Variants in DCLK2 observed in about 807,000 individuals in gnomAD.
DCLK2 encodes doublecortin like kinase 2.
In DCLK2, 31 loss-of-function variants were observed where a neutral mutation model predicts 78.4. That is an observed-to-expected ratio of 0.40 (90% CI 0.30 to 0.53). DCLK2 has a LOEUF of 0.53. Ranked by LOEUF, DCLK2 falls within the 20% of genes least tolerant of loss-of-function variation. DCLK2 has a pLI of 0.61. For missense variants in DCLK2, 872 were observed against 973.7 expected (o/e 0.90, Z 1.39); for synonymous variants, 407 against 374.9 (o/e 1.09, Z -0.99).
chr4:150,244,742 G>A (rs1233251551), intron 12 of DCLK2, among the ~76,000 whole-genome samples: 1 of 152,148 alleles, frequency 6.6e-6, no homozygotes, highest in Admixed American at 6.5e-5. Flanking sequence ...TTTTTCTAGT[G>A]CGGGGCAGGC....
At chr4:150,087,987 C>T (rs1729764651) in intron 1 of DCLK2, among the ~76,000 whole-genome samples, 1 of 151,972 alleles carries the variant, frequency 6.6e-6, no homozygotes, top group African/African-American at 2.4e-5. Context: ...AGGAGGGCGG[C>T]AGAAGATCAG....
intron 12 of DCLK2, among the ~76,000 whole-genome samples, chr4:150,242,443 A>G (rs1050828919): frequency 1.4e-4 from 21 of 152,200 alleles, no homozygotes; most frequent in African/African-American, 5.1e-4. Flanking sequence ...ATTACTGTAC[A>G]TTTCAGTTAG....
intron 2 of DCLK2, among the ~76,000 whole-genome samples, chr4:150,160,671 TC>T (rs1347858683): frequency 6.6e-6 from 1 of 152,202 alleles, no homozygotes; most frequent in African/African-American, 2.4e-5. Context: ...CCGCTAAGAC[TC>T]CAAAGTTGAG....
At chr4:150,225,702 T>G (rs538082591) in intron 8 of DCLK2, among the ~76,000 whole-genome samples, 31 of 152,362 alleles carry the variant, frequency 2.0e-4, no homozygotes, top group Admixed American at 9.1e-4. Context: ...TGAAAATATT[T>G]GGATATATTA....
intron 12 of DCLK2, among the ~76,000 whole-genome samples, chr4:150,246,349 C>G (rs1443710578): frequency 1.3e-5 from 2 of 152,150 alleles, no homozygotes; most frequent in African/African-American, 2.4e-5. Flanking sequence ...ACCCAGCCAA[C>G]TCTGCTCTTT....
intron 2 of DCLK2, among the ~76,000 whole-genome samples, chr4:150,158,631 T>A (rs1364303641): frequency 6.6e-6 from 1 of 152,228 alleles, no homozygotes; most frequent in African/African-American, 2.4e-5. Flanking sequence ...CTTCAATATG[T>A]AAACTAAAAT....
chr4:150,133,221 G>A lies in DCLK2; in HGVS notation c.756+30409G>A, dbSNP rs1021047432. 5.3e-5 allele frequency among the ~76,000 whole-genome samples: 8 copies of A among 152,260 alleles called. 1 individual carries two copies. The highest frequency in any genetic ancestry group is 6.8e-3 in the Middle Eastern group (2 of 294). ...AATGTGCCATGACCATGAAAAGACCGTGAAAAGGACACGTGTTTACCATAT... is the reference window on the plus strand; with the variant it reads ...AATGTGCCATGACCATGAAAAGACCATGAAAAGGACACGTGTTTACCATAT... On this transcript the variant is annotated intron_variant, in intron 2 of 15. Transcript: ENST00000296550.
chr4:150,180,865 A>G (rs573506829), intron 2 of DCLK2, among the ~76,000 whole-genome samples: 1 of 152,314 alleles, frequency 6.6e-6, no homozygotes. Context: ...TTTCTCTGTA[A>G]GAGCTGGCCA....
chr4:150,079,538 G>C, intron 1 of DCLK2, 90 bp downstream of exon 1: 2 of 1,297,572 alleles, frequency 1.5e-6, no homozygotes, highest in Non-Finnish European at 2.1e-6. Flanking sequence ...CCCGCGGGGT[G>C]CTTTCCAAGC....
chr4:150,253,967 G>A (rs997351735), intron 15 of DCLK2: 1 of 946,502 alleles, frequency 1.1e-6, no homozygotes, highest in Non-Finnish European at 1.3e-6. Flanking sequence ...TTTGGGATAA[G>A]AGAAGATAAT....
intron 2 of DCLK2, among the ~76,000 whole-genome samples, chr4:150,149,667 T>C (rs1327785092): frequency 6.6e-6 from 1 of 152,220 alleles, no homozygotes; most frequent in Admixed American, 6.5e-5. Context: ...AGACGTGTTA[T>C]TTCACACATA....
rs150123519 is a variant in DCLK2 at position 150,197,726 on chromosome 4, G to A, written c.860-276G>A. Reference sequence around the variant, plus strand: ...GCAGAATCGCTTGAACCTGGGAGGCGGAGGTTGCAGTGAGCCCAGATCGCG... The same window carrying A: ...GCAGAATCGCTTGAACCTGGGAGGCAGAGGTTGCAGTGAGCCCAGATCGCG... On this transcript the variant is annotated intron_variant, in intron 3 of 15. Coordinates refer to ENST00000296550, the MANE Select transcript of DCLK2 (RefSeq NM_001040260.4). Among the ~76,000 whole-genome samples, 137 of 151,900 alleles carry A rather than the reference G, an allele frequency of 9.0e-4. 3 individuals are homozygous for A. The East Asian group carries it at 0.024, about 27-fold the overall frequency.
Position 150,221,684 on chromosome 4 carries a change from T to C in DCLK2, c.1140T>C (p.Asn380=). The C allele has an allele frequency of 6.3e-7, 1 of 1,594,342 alleles. No homozygotes were observed. Among genetic ancestry groups the C allele is most frequent in the Non-Finnish European group, 8.5e-7 (1 of 1,173,078 alleles). ...CATTTATCCTTTTTGCAGGTGTGAA[T>C]GGAAACAGATGCTCTGAATCATCAA... is the stretch of plus-strand genomic sequence containing the variant. ...LDRCISPEGV[N]GNRCSESSTL... is the part of the protein sequence containing the mutation. The change falls in exon 7 of 16, where the codon AAT becomes AAC. Residue 380 remains asparagine (N), a synonymous_variant. Transcript: ENST00000296550.
chr4:150,239,593 C>T lies in DCLK2; in HGVS notation c.1567-149C>T, dbSNP rs540505791. 53 of 1,040,528 alleles carry T rather than the reference C, an allele frequency of 5.1e-5. No individual in the cohort carries two copies. The East Asian group carries it at 1.1e-3, about 22-fold the overall frequency. 64.5% of individuals were successfully genotyped at this position (1,040,528 alleles called of 1,614,324 possible). A position where few individuals can be genotyped will look rare whatever the true frequency, so the allele number is the denominator to read the frequency against. ...TCCAGCCTGGGCAACAAAGCGAGAC[C>T]GTGTCTTCAAAAAAAAAAATCACAA... On this transcript the variant is annotated intron_variant, in intron 10 of 15. Coordinates refer to ENST00000296550, the MANE Select transcript of DCLK2 (RefSeq NM_001040260.4).
chr4:150,242,466 AAC>A (rs1742997778), intron 12 of DCLK2, among the ~76,000 whole-genome samples: 1 of 152,228 alleles, frequency 6.6e-6, no homozygotes, highest in Non-Finnish European at 1.5e-5. Flanking sequence ...TTTGCTGAGT[AAC>A]ACACTACCCC....
intron 2 of DCLK2, among the ~76,000 whole-genome samples, chr4:150,119,119 T>A (rs114626320): frequency 3.2e-4 from 48 of 152,206 alleles, no homozygotes; most frequent in African/African-American, 1.0e-3. Flanking sequence ...TTAAATAGCA[T>A]GGTTTTTCCA....
intron 2 of DCLK2, among the ~76,000 whole-genome samples, chr4:150,126,632 T>C (rs1182611981): frequency 6.6e-6 from 1 of 152,220 alleles, no homozygotes; most frequent in African/African-American, 2.4e-5. Context: ...TTGGCTTTTA[T>C]TTTGAAATAA....
chr4:150,090,890 C>T (rs1200279667), intron 1 of DCLK2, among the ~76,000 whole-genome samples: 1 of 151,808 alleles, frequency 6.6e-6, no homozygotes, highest in Non-Finnish European at 1.5e-5. Context: ...ATTTTGTGTC[C>T]CCAGCCCCGC....
intron 2 of DCLK2, among the ~76,000 whole-genome samples, chr4:150,103,412 G>A (rs1326416417): frequency 6.6e-6 from 1 of 151,982 alleles, no homozygotes; most frequent in Non-Finnish European, 1.5e-5. Context: ...GGAACCTAAG[G>A]GACAAAAAAA....
Sources: allele counts gnomAD v4.1 joint callset (sites outside exome capture counted in the v4.1 genomes callset), GRCh38; gene constraint gnomAD v4.1.1; transcripts MANE v1.5; gene names NCBI Gene and HGNC (gene_info 2026-07-23, HGNC 2026-07-21).